The following INSL6 variants were observed in gnomAD, a reference collection of about 807,000 sequenced individuals.
INSL6 encodes insulin like 6.
Under a neutral mutation model 9.4 loss-of-function variants are expected in INSL6, and 16 were observed. The observed-to-expected ratio is 1.70, with a 90% CI of 1.15 to 2.59. The LOEUF (loss-of-function observed/expected upper bound fraction) is 2.59, where lower values mean the gene tolerates loss of function less well. Ranked by LOEUF, INSL6 falls within the 30% of genes most tolerant of loss-of-function variation. The pLI, the probability that INSL6 is intolerant of heterozygous loss-of-function variation, is 0.00. For missense variants in INSL6, 391 were observed against 257.3 expected (o/e 1.52, Z -3.56); for synonymous variants, 154 against 96.9 (o/e 1.59, Z -3.46).
the INSL6 span, among the ~76,000 whole-genome samples, chr9:5,020,855 G>A: frequency 6.6e-6 from 1 of 152,254 alleles, no homozygotes; most frequent in Admixed American, 6.5e-5. Flanking sequence ...GATATGCAGG[G>A]GCTGTTGGGC....
chr9:5,152,998 C>T (rs550904736), intron 2 of INSL6, among the ~76,000 whole-genome samples: 1 of 152,286 alleles, frequency 6.6e-6, no homozygotes, highest in South Asian at 2.1e-4. Flanking sequence ...CTGTACCCTG[C>T]ACTCCAGCCC....
the INSL6 span, chr9:5,113,999 G>T: frequency 3.6e-6 from 1 of 275,916 alleles, no homozygotes; most frequent in East Asian, 1.0e-4. Context: ...AGGATGGGCA[G>T]GTCGTGGATG....
At chr9:5,046,551 G>T in the INSL6 span, among the ~76,000 whole-genome samples, 2 of 152,106 alleles carry the variant, frequency 1.3e-5, no homozygotes, top group African/African-American at 4.8e-5. Flanking sequence ...TTTAGGCATT[G>T]GGTCCATTTT....
chr9:5,038,721 T>C, the INSL6 span, among the ~76,000 whole-genome samples: 2 of 152,074 alleles, frequency 1.3e-5, no homozygotes, highest in African/African-American at 4.8e-5. Flanking sequence ...AGGTTAGCGC[T>C]CTAAAGGTTT....
At chr9:5,154,835 G>A (rs1339405448) in intron 2 of INSL6, among the ~76,000 whole-genome samples, 2 of 152,186 alleles carry the variant, frequency 1.3e-5, no homozygotes, top group African/African-American at 4.8e-5. Flanking sequence ...ACAGGTGCTG[G>A]AGAGGATGTG....
intron 1 of INSL6, among the ~76,000 whole-genome samples, chr9:5,175,064 C>T (rs1297795577): frequency 2.6e-5 from 4 of 151,972 alleles, no homozygotes; most frequent in East Asian, 1.9e-4. Context: ...CTCAGTCTCC[C>T]GAGTAGCTGG....
chr9:5,175,287 G>C (rs1825273521), intron 1 of INSL6, among the ~76,000 whole-genome samples: 1 of 151,958 alleles, frequency 6.6e-6, no homozygotes, highest in Admixed American at 6.6e-5. Flanking sequence ...ATCAAATATG[G>C]CCCGTGTATA....
At position 5,164,103 on chromosome 9, in the gene INSL6, C is replaced by G. The variant is rs34567633; in HGVS notation, c.452G>C (p.Arg151Pro). Residue 151 changes from arginine (R) to proline (P), a missense_variant, in exon 2 of 2, where the codon CGT becomes CCT. Transcript: ENST00000381641. The stretch of plus-strand genomic sequence containing the variant: ...GCTTAAGGTTTTAATTTTGTTTCTA[C>G]GTTTCTTCTGAAATTTTGCATTCTC... Reference protein sequence around the residue: ...IHENAKFQKKRRNKIKTLSNL... With the variant: ...IHENAKFQKKPRNKIKTLSNL... 1 of 1,612,552 alleles carries G rather than the reference C, an allele frequency of 6.2e-7. No individual in the cohort carries two copies. Among genetic ancestry groups the G allele is most frequent in the Non-Finnish European group, 8.5e-7 (1 of 1,179,614 alleles).
At chr9:5,138,863 T>A (rs992021028) in intron 2 of INSL6, among the ~76,000 whole-genome samples, 7 of 152,038 alleles carry the variant, frequency 4.6e-5, no homozygotes, top group African/African-American at 9.7e-5. Context: ...TTGAAATACA[T>A]CCCCAAGTAC....
the INSL6 span, among the ~76,000 whole-genome samples, chr9:5,091,907 G>T: frequency 6.6e-6 from 1 of 152,160 alleles, no homozygotes; most frequent in Non-Finnish European, 1.5e-5. Flanking sequence ...ACCTAGGGCT[G>T]TGAGCTTTAG....
chr9:5,059,124 T>C, the INSL6 span, among the ~76,000 whole-genome samples: 3 of 152,176 alleles, frequency 2.0e-5, no homozygotes, highest in Non-Finnish European at 4.4e-5. Flanking sequence ...CGTGTATAGC[T>C]CAATGAATTT....
chr9:5,042,329 G>A, the INSL6 span, among the ~76,000 whole-genome samples: 10 of 150,840 alleles, frequency 6.6e-5, no homozygotes, highest in Non-Finnish European at 1.2e-4. Flanking sequence ...AGTAGAGACG[G>A]GGTTTCACCT....
the INSL6 span, chr9:5,112,441 G>A: frequency 1.7e-5 from 9 of 526,924 alleles, no homozygotes; most frequent in Middle Eastern, 3.2e-4. Flanking sequence ...CACTCAAGAG[G>A]AGAAGAAGGA....
At chr9:5,137,146 T>C (rs1046913291) in intron 2 of INSL6, among the ~76,000 whole-genome samples, 3 of 152,212 alleles carry the variant, frequency 2.0e-5, no homozygotes, top group African/African-American at 4.8e-5. Context: ...AAACATTCCA[T>C]GCTCATGGAT....
the INSL6 span, among the ~76,000 whole-genome samples, chr9:4,993,784 G>T: frequency 2.0e-5 from 3 of 152,168 alleles, no homozygotes; most frequent in African/African-American, 7.2e-5. Context: ...TCTTCATAAC[G>T]TTGATAAGAA....
chr9:5,035,186 G>C, the INSL6 span, among the ~76,000 whole-genome samples: 1 of 152,144 alleles, frequency 6.6e-6, no homozygotes. Flanking sequence ...AAACCAGAAA[G>C]AAGTTGAATC....
intron 1 of INSL6, among the ~76,000 whole-genome samples, chr9:5,174,962 CAG>C (rs1825264077): frequency 1.4e-5 from 2 of 146,392 alleles, no homozygotes; most frequent in African/African-American, 5.1e-5. Context: ...TTTTTTGAGA[CAG>C]AGTCTCGCTC....
At chr9:5,114,251 C>T in the INSL6 span, 44 of 537,718 alleles carry the variant, frequency 8.2e-5, no homozygotes, top group Non-Finnish European at 1.5e-4. Flanking sequence ...CCACAATCAC[C>T]TGTCTGGTGG....
chr9:5,148,236 A>C (rs548199577), intron 2 of INSL6, among the ~76,000 whole-genome samples: 2 of 152,318 alleles, frequency 1.3e-5, no homozygotes, highest in Non-Finnish European at 2.9e-5. Context: ...CACAGGACTA[A>C]GGGTCAGTAC....
Sources: gnomAD v4.1 joint callset for allele counts (sites outside exome capture counted in the v4.1 genomes callset) on GRCh38, gnomAD v4.1.1 for gene constraint, MANE v1.5 for transcripts, NCBI Gene and HGNC (gene_info 2026-07-23, HGNC 2026-07-21) for gene names.